SPHKAP: variants seen among roughly 807,000 people sequenced by gnomAD.
The protein encoded by SPHKAP is SPHK1 interactor, AKAP domain containing, also known as A-kinase anchor protein SPHKAP.
A neutral mutation model predicts 137.5 loss-of-function variants in SPHKAP; 67 were observed. The observed-to-expected ratio is 0.49, with a 90% CI of 0.40 to 0.60. The LOEUF (loss-of-function observed/expected upper bound fraction) is 0.60, where lower values mean the gene tolerates loss of function less well. Among genes scored for constraint, SPHKAP ranks in the 20% least tolerant of loss-of-function variants. The probability of loss-of-function intolerance (pLI) is 0.00; values close to 1 mark genes in which losing one functional copy is unlikely to be tolerated. For synonymous variants in SPHKAP, 813 were observed against 785.3 expected (o/e 1.04, Z -0.59); for missense variants, 2,097 against 2,069.3 (o/e 1.01, Z -0.26).
chr2:228,018,038 G>C lies in SPHKAP; in HGVS notation c.2816C>G (p.Ser939Cys). 2 of 1,614,160 alleles carry C rather than the reference G, an allele frequency of 1.2e-6. No homozygotes were observed. Among genetic ancestry groups the C allele is most frequent in the Non-Finnish European group, 8.5e-7 (1 of 1,180,028 alleles). Residue 939 changes from serine to cysteine, a missense_variant, in exon 7 of 12, where the codon TCC becomes TGC. Physicochemically the swap from Ser to Cys is moderately radical, Grantham distance 112 (BLOSUM62 -1). Coordinates refer to ENST00000392056, the MANE Select transcript of SPHKAP (RefSeq NM_001142644.2). ...FAEELADTVV[S>C]MATEIAAICL... is the part of the protein sequence containing the mutation. ...AATCGCTGCAATTTCAGTTGCCATG[G>C]AGACGACCGTGTCTGCTAATTCTTC... is the stretch of plus-strand genomic sequence containing the variant.
chr2:228,097,588 G>A (rs565014590), intron 3 of SPHKAP, among the ~76,000 whole-genome samples: 4 of 152,190 alleles, frequency 2.6e-5, no homozygotes, highest in African/African-American at 9.6e-5. Context: ...AAGATTTGGT[G>A]TGAGAATAAT....
At chr2:227,989,364 G>A (rs1693328740) in intron 11 of SPHKAP, among the ~76,000 whole-genome samples, 1 of 152,040 alleles carries the variant, frequency 6.6e-6, no homozygotes. Flanking sequence ...TTTTTCACAG[G>A]CTTGTTGAGA....
intron 1 of SPHKAP, among the ~76,000 whole-genome samples, chr2:228,162,291 A>C (rs191167412): frequency 6.6e-6 from 1 of 152,210 alleles, no homozygotes; most frequent in East Asian, 1.9e-4. Context: ...GCATTTCAGA[A>C]TCAAAAGAGC....
At position 228,016,401 on chromosome 2, in the gene SPHKAP, C is replaced by T; in HGVS notation, c.4448+5G>A. The T allele has an allele frequency of 6.4e-7, 1 of 1,573,086 alleles. No individual in the cohort carries two copies. On this transcript the variant is annotated splice_donor_5th_base_variant and intron_variant, in intron 7 of 11. Transcript: ENST00000392056. ...ACCCTATGTAGTCTGAGACGATTCA[C>T]TCACCTATGGATTTGACAAGCGCTC...
At chr2:228,154,512 C>CTCTCTCTATATATATA (rs1393941364) in intron 1 of SPHKAP, among the ~76,000 whole-genome samples, 13 of 22,062 alleles carry the variant, frequency 5.9e-4, no homozygotes, top group South Asian at 4.6e-3. Context: ...CTCTCTCTCT[C>CTCTCTCTATATATATA]TATATATATA....
chr2:228,102,145 T>A (rs975575035), intron 3 of SPHKAP, among the ~76,000 whole-genome samples: 1 of 152,230 alleles, frequency 6.6e-6, no homozygotes, highest in Admixed American at 6.5e-5. Context: ...ATATGGCTTT[T>A]GCAAACTTTG....
chr2:228,146,552 TC>T (rs935962565), intron 1 of SPHKAP, among the ~76,000 whole-genome samples: 3 of 152,222 alleles, frequency 2.0e-5, no homozygotes, highest in African/African-American at 7.2e-5. Flanking sequence ...AGTTATTTTT[TC>T]TGCTGCTTTT....
chr2:228,090,594 T>C (rs1311153699), intron 3 of SPHKAP, among the ~76,000 whole-genome samples: 1 of 152,158 alleles, frequency 6.6e-6, no homozygotes, highest in African/African-American at 2.4e-5. Context: ...CCCTTCCAAA[T>C]CTCATGTTGA....
At chr2:228,011,810 G>A (rs1025617187) in intron 7 of SPHKAP, among the ~76,000 whole-genome samples, 1 of 152,068 alleles carries the variant, frequency 6.6e-6, no homozygotes, top group Admixed American at 6.6e-5. Flanking sequence ...AAAAAATCTA[G>A]CACCTCACAT....
rs142829940 is a variant in SPHKAP, at chr2:228,158,351, T to A, written c.32+23216A>T. ...CTTTTTTTTTTTTTTTTTAGCACAG[T>A]CTATGTGATTTTACCCCTTACAATA... On this transcript the variant is annotated intron_variant, in intron 1 of 11. Coordinates refer to ENST00000392056, the MANE Select transcript of SPHKAP (RefSeq NM_001142644.2). 4.5e-3 allele frequency among the ~76,000 whole-genome samples: 584 copies of A among 131,108 alleles called. 8 individuals are homozygous for A. Among genetic ancestry groups the A allele is most frequent in the East Asian group, 0.034 (144 of 4,252 alleles). The allele number at this position is 131,108 out of a possible 152,430, so 86.0% of individuals were successfully genotyped here.
chr2:228,144,059 C>T (rs1383002768), intron 1 of SPHKAP, among the ~76,000 whole-genome samples: 2 of 152,094 alleles, frequency 1.3e-5, no homozygotes, highest in African/African-American at 2.4e-5. Flanking sequence ...GGAAATGCTC[C>T]GTGCGTTGAG....
chr2:228,095,269 T>C (rs1697945556), intron 3 of SPHKAP, among the ~76,000 whole-genome samples: 1 of 152,076 alleles, frequency 6.6e-6, no homozygotes, highest in Non-Finnish European at 1.5e-5. Context: ...GAGATGGTAG[T>C]TATGAAAAGA....
At chr2:228,004,106 C>T (rs112237185) in intron 7 of SPHKAP, among the ~76,000 whole-genome samples, 7,379 of 152,194 alleles carry the variant, frequency 0.048, 292 homozygotes, top group Non-Finnish European at 0.063. Flanking sequence ...CCCTCTTTTT[C>T]AATTGATTGG....
intron 6 of SPHKAP, chr2:228,020,365 C>T (rs1694791873): frequency 1.8e-5 from 4 of 217,988 alleles, no homozygotes; most frequent in African/African-American, 7.1e-5. Context: ...GGTACATATA[C>T]ACCATGGAAT....
At chr2:228,094,318 C>A (rs753254874) in intron 3 of SPHKAP, among the ~76,000 whole-genome samples, 3 of 152,154 alleles carry the variant, frequency 2.0e-5, no homozygotes, top group South Asian at 4.1e-4. Context: ...TGAGAAATCT[C>A]TTTTCTTCAT....
At chr2:228,129,475 G>T (rs80315227) in intron 2 of SPHKAP, among the ~76,000 whole-genome samples, 1 of 152,142 alleles carries the variant, frequency 6.6e-6, no homozygotes, top group African/African-American at 2.4e-5. Context: ...AAGGGTGAGG[G>T]TCATTTATGA....
At chr2:228,154,512 C>CTCTCTCTCTCTCTATA (rs1393941364) in intron 1 of SPHKAP, among the ~76,000 whole-genome samples, 3 of 22,066 alleles carry the variant, frequency 1.4e-4, no homozygotes, top group East Asian at 2.8e-3. Flanking sequence ...CTCTCTCTCT[C>CTCTCTCTCTCTCTATA]TATATATATA....
intron 3 of SPHKAP, among the ~76,000 whole-genome samples, chr2:228,105,135 A>G (rs1482170805): frequency 6.6e-6 from 1 of 152,178 alleles, no homozygotes; most frequent in Non-Finnish European, 1.5e-5. Context: ...TGCCCAGCTA[A>G]GTTTTAAATT....
chr2:228,176,807 G>A (rs1700756024), intron 1 of SPHKAP, among the ~76,000 whole-genome samples: 1 of 152,182 alleles, frequency 6.6e-6, no homozygotes, highest in Non-Finnish European at 1.5e-5. Context: ...GGAGGGAGGT[G>A]GAGGTTGCAG....
Sources: gnomAD v4.1 joint callset for allele counts (sites outside exome capture counted in the v4.1 genomes callset) on GRCh38, gnomAD v4.1.1 for gene constraint, MANE v1.5 for transcripts, NCBI Gene and HGNC (gene_info 2026-07-23, HGNC 2026-07-21) for gene names.